The following DCDC2C variants were observed in gnomAD, a reference collection of about 807,000 sequenced individuals.
DCDC2C encodes doublecortin domain-containing protein 2C.
Under a neutral mutation model 45.0 loss-of-function variants are expected in DCDC2C, and 44 were observed. The ratio of observed to expected loss-of-function variants is 0.98; its 90% CI spans 0.77 to 1.26. The LOEUF (loss-of-function observed/expected upper bound fraction) is 1.26. Among genes scored for constraint, DCDC2C ranks in the 50% most tolerant of loss-of-function variants. DCDC2C has a pLI of 0.00. For missense variants in DCDC2C, 447 were observed against 468.9 expected, an observed-to-expected ratio of 0.95 and a Z score of 0.43; for synonymous variants, 187 against 178.8, an observed-to-expected ratio of 1.05 and a Z score of -0.37.
Position 3,703,588 on chromosome 2 carries a change from C to T in DCDC2C, c.-164C>T, listed in dbSNP as rs1476651155. 1.5e-6 allele frequency: 1 copy of T among 657,002 alleles called. No homozygotes were observed. The highest frequency in any genetic ancestry group is 2.1e-5 in the African/African-American group (1 of 47,196). The allele number at this position is 657,002 out of a possible 1,614,324, so 40.7% of individuals were successfully genotyped here. ...CGCCCGCCTGGCAGCCCCGTCCCGT[C>T]CCCGTCCAGCCCCCGTCCCGTCCCC... On this transcript the variant is annotated 5_prime_UTR_variant, in exon 1 of 11. Transcript: ENST00000399143. The surrounding 1 kb of genome is among the most constrained non-coding windows in gnomAD (Gnocchi z 4.4).
At chr2:3,753,371 G>A (rs1572587321) in intron 5 of DCDC2C, among the ~76,000 whole-genome samples, 1 of 152,226 alleles carries the variant, frequency 6.6e-6, no homozygotes. Flanking sequence ...GCCACACTGT[G>A]TGTGTGTTTA....
chr2:3,819,286 C>G (rs1671631482), intron 10 of DCDC2C, among the ~76,000 whole-genome samples: 1 of 152,220 alleles, frequency 6.6e-6, no homozygotes. Flanking sequence ...GGGTCCTGCA[C>G]AGATGGGACG....
chr2:3,779,347 A>G (rs1670445372), intron 9 of DCDC2C, among the ~76,000 whole-genome samples: 1 of 152,172 alleles, frequency 6.6e-6, no homozygotes, highest in Non-Finnish European at 1.5e-5. Flanking sequence ...TGCAGATGGC[A>G]GTGGAAGCCA....
chr2:3,765,692 G>C (rs1669993766), intron 6 of DCDC2C, among the ~76,000 whole-genome samples: 1 of 152,192 alleles, frequency 6.6e-6, no homozygotes, highest in Admixed American at 6.5e-5. Context: ...TAGGCTCTGG[G>C]AATTCATTAA....
chr2:3,826,010 C>A (rs1267664777), intron 10 of DCDC2C, among the ~76,000 whole-genome samples: 1 of 152,146 alleles, frequency 6.6e-6, no homozygotes, highest in African/African-American at 2.4e-5. Context: ...GAAAACAATT[C>A]ACGAGGGTCT....
chr2:3,745,334 G>A (rs914522816), intron 4 of DCDC2C, among the ~76,000 whole-genome samples: 14 of 152,150 alleles, frequency 9.2e-5, no homozygotes, highest in Admixed American at 4.6e-4. Context: ...AGTGAAAGTC[G>A]GAGAGAAAAT....
chr2:3,842,468 C>T (rs1275522622), intron 10 of DCDC2C, among the ~76,000 whole-genome samples: 1 of 151,878 alleles, frequency 6.6e-6, no homozygotes, highest in Non-Finnish European at 1.5e-5. Context: ...TCAGCTTAGT[C>T]AAGTGCATGG....
chr2:3,814,147 T>G (rs1264036564), intron 10 of DCDC2C, among the ~76,000 whole-genome samples: 2 of 152,208 alleles, frequency 1.3e-5, no homozygotes, highest in Non-Finnish European at 2.9e-5. Flanking sequence ...CCCCACCTCC[T>G]TTTGGTACTC....
intron 10 of DCDC2C, among the ~76,000 whole-genome samples, chr2:3,817,328 T>C (rs1365650667): frequency 1.3e-5 from 2 of 152,166 alleles, no homozygotes; most frequent in Non-Finnish European, 2.9e-5. Context: ...TGAGGAAACC[T>C]CTTTTTGCCC....
chr2:3,735,628 C>T (rs1183082821), intron 3 of DCDC2C, among the ~76,000 whole-genome samples: 1 of 152,114 alleles, frequency 6.6e-6, no homozygotes, highest in Non-Finnish European at 1.5e-5. Context: ...ATCCTTGAGG[C>T]ATAACGGTCC....
intron 4 of DCDC2C, among the ~76,000 whole-genome samples, chr2:3,750,125 C>T (rs941034567): frequency 6.6e-6 from 1 of 152,052 alleles, no homozygotes; most frequent in African/African-American, 2.4e-5. Context: ...CCTTCTCCCT[C>T]ATCTGCCAGT....
intron 2 of DCDC2C, among the ~76,000 whole-genome samples, chr2:3,718,296 T>C (rs1668399383): frequency 6.6e-6 from 1 of 152,230 alleles, no homozygotes; most frequent in African/African-American, 2.4e-5. Flanking sequence ...GTCTTGCTTC[T>C]GAGTGGGGCT....
chr2:3,709,770 T>G (rs1045912455), intron 2 of DCDC2C, among the ~76,000 whole-genome samples: 1 of 152,120 alleles, frequency 6.6e-6, no homozygotes, highest in Non-Finnish European at 1.5e-5. Context: ...TTTGTTAGAG[T>G]TTGAGTCTCG....
At position 3,778,953 on chromosome 2, in the gene DCDC2C, G is replaced by T. The variant is rs963057913; in HGVS notation, c.1023+69G>T. On this transcript the variant is annotated intron_variant, in intron 9 of 10. Coordinates refer to ENST00000399143, the MANE Select transcript of DCDC2C (RefSeq NM_001287444.2). ...ACCTGACACTTTGAACAGAGCTCAC[G>T]TTTGGTGGTGAAAGGATCTGAGATC... 5.6e-6 allele frequency: 8 copies of T among 1,425,564 alleles called. 1 individual carries two copies. In the Middle Eastern group the frequency reaches 7.0e-4, roughly 125 times the overall value. 88.3% of individuals were successfully genotyped at this position (1,425,564 alleles called of 1,614,324 possible).
chr2:3,837,917 G>A (rs556552221), intron 10 of DCDC2C, among the ~76,000 whole-genome samples: 1 of 152,156 alleles, frequency 6.6e-6, no homozygotes, highest in African/African-American at 2.4e-5. Flanking sequence ...GAAGTGTGGG[G>A]TAGGGCCTGT....
intron 9 of DCDC2C, among the ~76,000 whole-genome samples, chr2:3,783,459 A>G (rs1407774416): frequency 6.6e-6 from 1 of 152,056 alleles, no homozygotes; most frequent in Non-Finnish European, 1.5e-5. Context: ...AACCTCCACT[A>G]GTATTTTGTT....
At chr2:3,740,737 G>A (rs1261570193) in intron 3 of DCDC2C, among the ~76,000 whole-genome samples, 1 of 152,160 alleles carries the variant, frequency 6.6e-6, no homozygotes, top group African/African-American at 2.4e-5. Context: ...TGGACTCTGG[G>A]TTGATTGGAA....
chr2:3,741,899 C>A (rs1384569357), intron 3 of DCDC2C, 21 bp from the exon 4 acceptor site: 3 of 1,535,976 alleles, frequency 2.0e-6, no homozygotes, highest in Non-Finnish European at 2.6e-6. Context: ...TTAATGGATG[C>A]TTTTCTTTTT....
chr2:3,718,833 A>C (rs576157080), intron 2 of DCDC2C, among the ~76,000 whole-genome samples: 1 of 152,192 alleles, frequency 6.6e-6, no homozygotes, highest in Non-Finnish European at 1.5e-5. Context: ...GCACGGACCC[A>C]AAGAGTTTTA....
Sources: gnomAD v4.1 joint callset for allele counts (sites outside exome capture counted in the v4.1 genomes callset) on GRCh38, gnomAD v4.1.1 for gene constraint, Gnocchi (gnomAD v3.1) non-coding constraint, MANE v1.5 for transcripts, NCBI Gene and HGNC (gene_info 2026-07-23, HGNC 2026-07-21) for gene names.